Variants in ALG13 observed in about 807,000 individuals in gnomAD.
The protein encoded by ALG13 is ALG13 UDP-N-acetylglucosaminyltransferase subunit.
ALG13 carries 11 observed loss-of-function variants against 87.8 expected under a neutral mutation model. That is an observed-to-expected ratio of 0.13 (90% CI 0.08 to 0.21). The LOEUF is 0.21. ALG13 is among the 10% of genes least tolerant of loss of function. The probability of loss-of-function intolerance (pLI) is 1.00; values close to 1 mark genes in which losing one functional copy is unlikely to be tolerated. For missense variants in ALG13, 756 were observed against 866.1 expected, an observed-to-expected ratio of 0.87 and a Z score of 1.60; for synonymous variants, 320 against 306.3, an observed-to-expected ratio of 1.04 and a Z score of -0.47.
intron 3 of ALG13, among the ~76,000 whole-genome samples, chrX:111,696,964 A>AATTGCTCTG (rs1270519584): frequency 9.3e-6 from 1 of 107,190 alleles, no homozygotes; most frequent in Non-Finnish European, 1.9e-5. Flanking sequence ...ATTTCAGTGA[A>AATTGCTCTG]ATTGCTCTGG....
intron 21 of ALG13, among the ~76,000 whole-genome samples, 186 bp downstream of exon 21, chrX:111,730,766 T>G (rs1942594343): frequency 8.9e-6 from 1 of 112,507 alleles, no homozygotes. Context: ...AGAGATATTC[T>G]AACATAGGCA....
In ALG13 at chrX:111,728,217, T is replaced by G. The variant is rs753759357; in HGVS notation, c.2280T>G (p.Ala760=). The G allele has an allele frequency of 8.3e-7, 1 of 1,209,428 alleles. No homozygotes were observed. The highest frequency in any genetic ancestry group is 1.7e-5 in the African/African-American group (1 of 57,352). ...GAGGTCCCTCTACAATGGTTCCTGC[T>G]ACTTCAGGATACTGTGTTGGAAGGC... is the stretch of plus-strand genomic sequence containing the variant. The part of the protein sequence containing the change: ...NHGGPSTMVP[A]TSGYCVGRRG... Residue 760 remains alanine, a synonymous_variant, in exon 19 of 27, where the codon GCT becomes GCG. Coordinates refer to ENST00000394780, the MANE Select transcript of ALG13 (RefSeq NM_001099922.3).
rs776863825 is a variant in ALG13, at chrX:111,730,402, T to C, written c.2376T>C (p.Tyr792=). The C allele has an allele frequency of 6.6e-6, 8 of 1,208,214 alleles. No individual in the cohort carries two copies. The African/African-American group carries it at 8.7e-5, about 13-fold the overall frequency. The stretch of plus-strand genomic sequence containing the variant: ...CTTGTCTTTTTTCCCCAGGGCGATA[T>C]CATGAAGAATATCTTTATCGTGCAG... ...EGNGQSENGR[Y]HEEYLYRAEP... Residue 792 remains tyrosine, a synonymous_variant, in exon 20 of 27, where the codon TAT becomes TAC. Coordinates refer to ENST00000394780, the MANE Select transcript of ALG13 (RefSeq NM_001099922.3).
chrX:111,685,906 T>A (rs1051520780), intron 3 of ALG13, among the ~76,000 whole-genome samples: 2 of 111,785 alleles, frequency 1.8e-5, no homozygotes, highest in East Asian at 2.8e-4. Context: ...GAGGGAAGAT[T>A]AGTGTTGCAG....
chrX:111,688,842 A>T lies in ALG13; in HGVS notation c.383+3739A>T, dbSNP rs891888575. 5 of 752,201 alleles carry T rather than the reference A, an allele frequency of 6.6e-6. No homozygotes were observed. In the South Asian group the frequency reaches 3.4e-4, roughly 51 times the overall value. The allele number at this position is 752,201 out of a possible 1,213,427, so 62.0% of individuals were successfully genotyped here. On this transcript the variant is annotated intron_variant, in intron 3 of 26. Coordinates refer to ENST00000394780, the MANE Select transcript of ALG13 (RefSeq NM_001099922.3). ...TGACTTAACTTGAGCAAGATACATT[A>T]TGAAGTTCTTTCTGATTAGAGTGTG...
intron 3 of ALG13, among the ~76,000 whole-genome samples, chrX:111,685,846 C>T (rs1030827712): frequency 9.0e-6 from 1 of 111,693 alleles, no homozygotes; most frequent in Non-Finnish European, 1.9e-5. Flanking sequence ...ACAGCAAGTG[C>T]AAAAGCCTAA....
At chrX:111,712,442 TA>T in intron 6 of ALG13, 41 bp from the exon 7 acceptor site, 1 of 1,006,526 alleles carries the variant, frequency 9.9e-7, no homozygotes, top group Non-Finnish European at 1.4e-6. Flanking sequence ...ACCTCCTAGC[TA>T]CAGAATGTTT....
chrX:111,717,468 T>G (rs966422647), intron 8 of ALG13, among the ~76,000 whole-genome samples: 1 of 111,314 alleles, frequency 9.0e-6, no homozygotes, highest in Admixed American at 9.6e-5. Flanking sequence ...CCAGTCATTC[T>G]TGGAAGTTAG....
Position 111,718,590 on chromosome X carries a change from C to T in ALG13, c.1250+316C>T, listed in dbSNP as rs367834527. On this transcript the variant is annotated intron_variant, in intron 10 of 26. Coordinates refer to ENST00000394780, the MANE Select transcript of ALG13 (RefSeq NM_001099922.3). ...TTAGAAAGGCAGGTTCCTGGGCCTA[C>T]TGTCACAAAATTTGAGGTCAGGATG... Among the ~76,000 whole-genome samples the T allele has an allele frequency of 6.3e-4, 70 of 111,996 alleles. 3 individuals carry two copies. The East Asian group carries it at 0.015, about 24-fold the overall frequency.
chrX:111,689,085 A>C (rs1326896901), intron 3 of ALG13: 1 of 670,475 alleles, frequency 1.5e-6, no homozygotes, highest in Non-Finnish European at 1.8e-6. Context: ...TGTTTTATTT[A>C]GGCTAATATT....
chrX:111,706,330 A>G (rs1374128059), intron 3 of ALG13, among the ~76,000 whole-genome samples: 1 of 112,873 alleles, frequency 8.9e-6, no homozygotes, highest in Admixed American at 9.3e-5. Context: ...TGCCTGACCA[A>G]ATTATAACCC....
At chrX:111,726,240 T>TG (rs1373052361) in intron 15 of ALG13, among the ~76,000 whole-genome samples, 1 of 98,412 alleles carries the variant, frequency 1.0e-5, no homozygotes, top group Non-Finnish European at 2.0e-5. Context: ...TTGTTTTTTT[T>TG]TTTTTTTTTT....
At chrX:111,731,907 A>T (rs933098977) in intron 21 of ALG13, among the ~76,000 whole-genome samples, 2 of 111,955 alleles carry the variant, frequency 1.8e-5, no homozygotes, top group Non-Finnish European at 3.8e-5. Flanking sequence ...GCAAGGATTT[A>T]CTAGGTGTTA....
chrX:111,754,933 A>G, intron 25 of ALG13, among the ~76,000 whole-genome samples: 1 of 112,217 alleles, frequency 8.9e-6, no homozygotes, highest in Non-Finnish European at 1.9e-5. Context: ...TAAATTTCAT[A>G]TGGAACCAAA....
chrX:111,718,158 A>G lies in ALG13; in HGVS notation c.1134A>G (p.Glu378=), dbSNP rs778696912. The G allele has an allele frequency of 3.3e-5, 39 of 1,165,356 alleles. No homozygotes were observed. Among genetic ancestry groups the G allele is most frequent in the Non-Finnish European group, 3.3e-5 (29 of 871,299 alleles). The change falls in exon 10 of 27, where the codon GAA becomes GAG. Residue 378 remains glutamate (E), a synonymous_variant. Transcript: ENST00000394780. The stretch of plus-strand genomic sequence containing the variant: ...ATAAAGATGTGTTTGTTGTGGATGA[A>G]GAAGAGTTGAAGACTGCGATTAAAT... ...ILYKDVFVVD[E]EELKTAIKLF...
Position 111,759,813 on chromosome X carries a change from G to T in ALG13, c.3228G>T (p.Gln1076His), listed in dbSNP as rs1945593461. The change falls in exon 27 of 27, where the codon CAG becomes CAT. Residue 1076 changes from glutamine to histidine, a missense_variant. Around this residue, in one of 9 missense-constraint regions of ALG13, gnomAD observed 110 missense variants for 104.9 expected, o/e 1.05. Transcript: ENST00000394780. ...YYPVMSDPYGQPPLPGFDSCL... is the reference protein window; with the variant it reads ...YYPVMSDPYGHPPLPGFDSCL... Reference sequence around the variant, plus strand: ...CAGTAATGTCAGATCCCTATGGGCAGCCACCTTTGCCAGGTTTTGACTCCT... The same window carrying T: ...CAGTAATGTCAGATCCCTATGGGCATCCACCTTTGCCAGGTTTTGACTCCT... 8.3e-7 allele frequency: 1 copy of T among 1,208,362 alleles called. No individual in the cohort carries two copies. The highest frequency in any genetic ancestry group is 2.2e-5 in the Admixed American group (1 of 45,540).
At chrX:111,712,643 G>A (rs1010760349) in intron 7 of ALG13, 113 bp downstream of exon 7, 11 of 382,588 alleles carry the variant, frequency 2.9e-5, no homozygotes, top group Non-Finnish European at 5.0e-5. Context: ...TTGATACCTA[G>A]AATGAAGAAA....
In ALG13 at chrX:111,712,514, C is replaced by G. The variant is rs1248942119; in HGVS notation, c.916C>G (p.Leu306Val). The change falls in exon 7 of 27, where the codon CTT becomes GTT. Residue 306 changes from leucine to valine, a missense_variant. Leu to Val is a conservative substitution (Grantham distance 32). Coordinates refer to ENST00000394780, the MANE Select transcript of ALG13 (RefSeq NM_001099922.3). ...TGCTGGCCAGCTGGAAATAAGAGCT[C>G]TTTCTCTAATTTATAAGTAAGTTAT... Reference protein sequence around the residue: ...ESAGQLEIRALSLIYNRDFIL... With the variant: ...ESAGQLEIRAVSLIYNRDFIL... The G allele has an allele frequency of 8.5e-7, 1 of 1,174,487 alleles. No individual in the cohort carries two copies. Among genetic ancestry groups the G allele is most frequent in the Admixed American group, 2.3e-5 (1 of 43,896 alleles).
chrX:111,692,055 G>T (rs1028411326), intron 3 of ALG13, among the ~76,000 whole-genome samples: 1 of 111,375 alleles, frequency 9.0e-6, no homozygotes. Flanking sequence ...CTTTGGCCCT[G>T]TCTGTCTGTT....
Sources: gnomAD v4.1 joint callset for allele counts (sites outside exome capture counted in the v4.1 genomes callset) on GRCh38, gnomAD v4.1.1 for gene constraint, gnomAD v4.1.1 regional missense constraint, MANE v1.5 for transcripts, NCBI Gene and HGNC (gene_info 2026-07-23, HGNC 2026-07-21) for gene names.